The following MMP26 variants were observed in gnomAD, a reference collection of about 807,000 sequenced individuals.
MMP26 encodes the protein matrix metallopeptidase 26.
In MMP26, 33 loss-of-function variants were observed where a neutral mutation model predicts 31.0. The ratio of observed to expected loss-of-function variants is 1.06; its 90% CI spans 0.81 to 1.42. The LOEUF is 1.42. MMP26 is among the 40% of genes most tolerant of loss of function. The pLI, the probability that MMP26 is intolerant of heterozygous loss-of-function variation, is 0.00. For synonymous variants in MMP26, 122 were observed against 114.9 expected, an observed-to-expected ratio of 1.06 and a Z score of -0.40; for missense variants, 347 against 316.1, an observed-to-expected ratio of 1.10 and a Z score of -0.74.
At chr11:4,990,277 T>C (rs2499956) in intron 4 of MMP26, among the ~76,000 whole-genome samples, 16,329 of 152,142 alleles carry the variant, frequency 0.11, 1,719 homozygotes, top group East Asian at 0.3. Flanking sequence ...TAGAATGCTG[T>C]ATATTTAATT....
chr11:4,915,233 G>A (rs750907746), intron 2 of MMP26: 2 of 1,613,982 alleles, frequency 1.2e-6, no homozygotes. Flanking sequence ...GCCAATGACT[G>A]TGTTGGTGAG....
intron 2 of MMP26, among the ~76,000 whole-genome samples, chr11:4,855,152 C>T (rs990277065): frequency 2.0e-5 from 3 of 152,114 alleles, no homozygotes; most frequent in Non-Finnish European, 2.9e-5. Context: ...AAAATCAGAG[C>T]GCCTCTTCTA....
chr11:4,772,535 C>T (rs950147780), intron 2 of MMP26, among the ~76,000 whole-genome samples: 11 of 152,088 alleles, frequency 7.2e-5, no homozygotes, highest in African/African-American at 2.7e-4. Context: ...GTGTCAGCTC[C>T]TGATATATTA....
intron 1 of MMP26, among the ~76,000 whole-genome samples, chr11:4,735,303 T>C (rs1302983231): frequency 6.6e-6 from 1 of 152,230 alleles, no homozygotes; most frequent in African/African-American, 2.4e-5. Flanking sequence ...TGGTTATGTC[T>C]ATATCACTAT....
chr11:4,869,239 C>T (rs1294160670), intron 2 of MMP26, among the ~76,000 whole-genome samples: 1 of 151,966 alleles, frequency 6.6e-6, no homozygotes, highest in African/African-American at 2.4e-5. Context: ...AACTAAAGAG[C>T]TTCTGCACAG....
chr11:4,723,819 C>A (rs1848055712), intron 1 of MMP26: 2 of 1,565,810 alleles, frequency 1.3e-6, no homozygotes, highest in East Asian at 4.5e-5. Context: ...TGGTCTCCAG[C>A]ATCTTGTTAT....
chr11:4,796,710 T>G (rs1362126362), intron 2 of MMP26, among the ~76,000 whole-genome samples: 4 of 152,222 alleles, frequency 2.6e-5, no homozygotes, highest in Admixed American at 2.6e-4. Flanking sequence ...GGGTGGGAAT[T>G]TCTCCAGTCA....
chr11:4,821,407 T>C, intron 2 of MMP26: 1 of 1,613,716 alleles, frequency 6.2e-7, no homozygotes, highest in South Asian at 1.1e-5. Flanking sequence ...ATCCCTGTCT[T>C]CTCAGTGCTT....
chr11:4,941,992 G>A (rs935573445), intron 2 of MMP26, among the ~76,000 whole-genome samples: 10 of 149,668 alleles, frequency 6.7e-5, no homozygotes, highest in African/African-American at 2.5e-4. Flanking sequence ...GACTGAGGCA[G>A]GAGAATCACT....
At chr11:4,905,672 A>G (rs1455366560) in intron 2 of MMP26, among the ~76,000 whole-genome samples, 1 of 152,206 alleles carries the variant, frequency 6.6e-6, no homozygotes, top group South Asian at 2.1e-4. Flanking sequence ...TTAATTTCAT[A>G]ATTTTAATTT....
At chr11:4,935,052 A>G (rs1386043116) in intron 2 of MMP26, among the ~76,000 whole-genome samples, 6 of 150,924 alleles carry the variant, frequency 4.0e-5, no homozygotes, top group Middle Eastern at 6.8e-3. Context: ...TTGACTTGGC[A>G]ATGTGGGCTC....
At chr11:4,789,600 G>T (rs187766939) in intron 2 of MMP26, among the ~76,000 whole-genome samples, 44 of 120,514 alleles carry the variant, frequency 3.7e-4, no homozygotes, top group Admixed American at 7.2e-4. Flanking sequence ...GATTGCAGTA[G>T]CATGATCTCG....
chr11:4,724,139 C>T (rs935018696), intron 1 of MMP26: 7 of 600,176 alleles, frequency 1.2e-5, no homozygotes, highest in Non-Finnish European at 2.1e-5. Context: ...GAGGTGGACA[C>T]CTCGTAGGAC....
chr11:4,725,704 G>A (rs549697928), intron 1 of MMP26, among the ~76,000 whole-genome samples: 3 of 152,340 alleles, frequency 2.0e-5, no homozygotes, highest in Non-Finnish European at 2.9e-5. Flanking sequence ...GAGATATAAT[G>A]GCTCCCTTCA....
At chr11:4,924,298 G>T (rs1316580547) in intron 2 of MMP26, 1 of 1,613,128 alleles carries the variant, frequency 6.2e-7, no homozygotes. Context: ...CCGTCAGGAA[G>T]AAAGTGGCTC....
intron 1 of MMP26, among the ~76,000 whole-genome samples, chr11:4,708,252 T>A (rs1847808051): frequency 6.6e-6 from 1 of 152,214 alleles, no homozygotes; most frequent in Non-Finnish European, 1.5e-5. Flanking sequence ...TGCCTCTCAA[T>A]TCAAAATTTC....
chr11:4,913,936 G>C (rs1266869757), intron 2 of MMP26: 3 of 152,176 alleles, frequency 2.0e-5, no homozygotes, highest in African/African-American at 7.2e-5. Flanking sequence ...GCTAGGGGAA[G>C]ACAACTCCCA....
chr11:4,911,865 T>A (rs1203388649), intron 2 of MMP26, among the ~76,000 whole-genome samples: 1 of 152,202 alleles, frequency 6.6e-6, no homozygotes, highest in Non-Finnish European at 1.5e-5. Flanking sequence ...GAGAACAGGT[T>A]TTGTTATCCT....
chr11:4,732,195 A>G (rs1848182581), intron 1 of MMP26, among the ~76,000 whole-genome samples: 1 of 151,982 alleles, frequency 6.6e-6, no homozygotes, highest in Non-Finnish European at 1.5e-5. Context: ...TCCTGTACAT[A>G]TTTTGGGCTG....
Sources: gnomAD v4.1 joint callset for allele counts (sites outside exome capture counted in the v4.1 genomes callset) on GRCh38, gnomAD v4.1.1 for gene constraint, MANE v1.5 for transcripts, NCBI Gene and HGNC (gene_info 2026-07-23, HGNC 2026-07-21) for gene names.